PPP1R12A: variants seen among roughly 807,000 people sequenced by gnomAD.
PPP1R12A encodes the protein myosin binding subunit.
In PPP1R12A, 19 loss-of-function variants were observed where a neutral mutation model predicts 139.6. That is an observed-to-expected ratio of 0.14 (90% CI 0.09 to 0.20). The LOEUF (loss-of-function observed/expected upper bound fraction) is 0.20. PPP1R12A is among the 10% of genes least tolerant of loss of function. The probability of loss-of-function intolerance (pLI) is 1.00; values close to 1 mark genes in which losing one functional copy is unlikely to be tolerated. For missense variants in PPP1R12A, 925 were observed against 1,211.5 expected (o/e 0.76, Z 3.51); for synonymous variants, 427 against 420.6 (o/e 1.02, Z -0.19).
chr12:79,832,296 C>G (rs987937336), intron 4 of PPP1R12A, 36 bp downstream of exon 4: 3 of 1,538,578 alleles, frequency 1.9e-6, no homozygotes. Flanking sequence ...AGAAGACAAA[C>G]TAAAATAGAA....
intron 1 of PPP1R12A, among the ~76,000 whole-genome samples, chr12:79,890,886 ACCACCCACCCACACCCAC>A (rs1321929540): frequency 2.6e-5 from 3 of 115,132 alleles, no homozygotes; most frequent in African/African-American, 1.2e-4. Flanking sequence ...ATACACACAC[ACCACCCACCCACACCCAC>A]CCACACACAC....
intron 1 of PPP1R12A, among the ~76,000 whole-genome samples, chr12:79,912,600 G>C (rs1886664061): frequency 6.6e-6 from 1 of 151,932 alleles, no homozygotes; most frequent in African/African-American, 2.4e-5. Context: ...TGGCTGAGGT[G>C]GGAGGATTGC....
rs374875409 is a variant in PPP1R12A, at chr12:79,802,897, T to C, written c.2000+2695A>G. 1.0e-3 allele frequency among the ~76,000 whole-genome samples: 156 copies of C among 152,358 alleles called. 3 individuals are homozygous for C. The highest frequency in any genetic ancestry group is 3.6e-3 in the African/African-American group (149 of 41,594). On this transcript the variant is annotated intron_variant, in intron 14 of 24. Transcript: ENST00000450142. ...TCAAATTTGACTACAGTGAAATGTT[T>C]CATATTTAGTGTATAACAGAGAAAC...
At chr12:79,891,158 AT>A (rs1884608924) in intron 1 of PPP1R12A, among the ~76,000 whole-genome samples, 1 of 152,158 alleles carries the variant, frequency 6.6e-6, no homozygotes, top group Admixed American at 6.6e-5. Flanking sequence ...ATTCAGCTAT[AT>A]TCAGATATGT....
At chr12:79,920,237 G>A (rs1356737091) in intron 1 of PPP1R12A, among the ~76,000 whole-genome samples, 2 of 152,112 alleles carry the variant, frequency 1.3e-5, no homozygotes, top group Non-Finnish European at 2.9e-5. Context: ...CTGATTCCAG[G>A]GACAAAACAT....
chr12:79,816,066 GACA>G (rs760897561), intron 9 of PPP1R12A, among the ~76,000 whole-genome samples: 1 of 151,910 alleles, frequency 6.6e-6, no homozygotes, highest in Non-Finnish European at 1.5e-5. Flanking sequence ...TGGCAAGACT[GACA>G]ACACAACAGA....
At chr12:79,894,100 C>A (rs1163892119) in intron 1 of PPP1R12A, among the ~76,000 whole-genome samples, 1 of 152,192 alleles carries the variant, frequency 6.6e-6, no homozygotes, top group Non-Finnish European at 1.5e-5. Flanking sequence ...GAAGATCTAA[C>A]CCCTCTCTAC....
At chr12:79,792,061 C>G (rs996268990) in intron 19 of PPP1R12A, among the ~76,000 whole-genome samples, 4 of 151,966 alleles carry the variant, frequency 2.6e-5, no homozygotes, top group African/African-American at 9.7e-5. Flanking sequence ...TTGTAAAGTT[C>G]ACATAATGGT....
At position 79,805,654 on chromosome 12, in the gene PPP1R12A, T is replaced by C; in HGVS notation, c.1938A>G (p.Thr646=). The change falls in exon 14 of 25, where the codon ACA becomes ACG. Residue 646 remains threonine, a synonymous_variant. Coordinates refer to ENST00000450142, the MANE Select transcript of PPP1R12A (RefSeq NM_002480.3). ...TGCCAGCAGTAGTTGTAGTCAGGGT[T>C]GTGGTAGAAGCTGCAGCATTTACAA... is the stretch of plus-strand genomic sequence containing the variant. The part of the protein sequence containing the change: ...PTVVNAAAST[T]TLTTTTAGTV... The C allele has an allele frequency of 6.2e-7, 1 of 1,613,850 alleles. No homozygotes were observed. The highest frequency in any genetic ancestry group is 2.2e-5 in the East Asian group (1 of 44,840).
intron 2 of PPP1R12A, among the ~76,000 whole-genome samples, chr12:79,859,368 A>C (rs1451044188): frequency 6.7e-6 from 1 of 150,284 alleles, no homozygotes; most frequent in Non-Finnish European, 1.5e-5. Flanking sequence ...AAAAAAAAAA[A>C]ACAACAGTGC....
At chr12:79,802,003 G>A (rs1486866337) in intron 14 of PPP1R12A, among the ~76,000 whole-genome samples, 1 of 152,002 alleles carries the variant, frequency 6.6e-6, no homozygotes, top group African/African-American at 2.4e-5. Context: ...AATTATTATA[G>A]TGAGTTTCCT....
At chr12:79,863,729 A>G (rs1158064556) in intron 2 of PPP1R12A, among the ~76,000 whole-genome samples, 1 of 152,012 alleles carries the variant, frequency 6.6e-6, no homozygotes. Flanking sequence ...ACAAAGATCA[A>G]AAGAGACAAA....
chr12:79,828,398 A>G lies in PPP1R12A; in HGVS notation c.714T>C (p.Ala238=). Residue 238 remains alanine (A), a synonymous_variant, in exon 5 of 25, where the codon GCT becomes GCC. Transcript: ENST00000450142. Reference sequence around the variant, plus strand: ...CTTCTTCTTTACCCCAATGAGCTGCAGCATGAAGAGGTGTCCAGCCATCAT... The same window carrying G: ...CTTCTTCTTTACCCCAATGAGCTGCGGCATGAAGAGGTGTCCAGCCATCAT... ...KDYDGWTPLH[A]AAHWGKEEAC... 2 of 1,612,346 alleles carry G rather than the reference A, an allele frequency of 1.2e-6. No individual in the cohort carries two copies. Among genetic ancestry groups the G allele is most frequent in the Non-Finnish European group, 1.7e-6 (2 of 1,178,718 alleles).
intron 1 of PPP1R12A, among the ~76,000 whole-genome samples, chr12:79,918,158 TA>T (rs545459727): frequency 0.013 from 1,879 of 143,962 alleles, 24 homozygotes; most frequent in African/African-American, 0.033. Context: ...ACTGAAACCT[TA>T]AAAAAAAAAA....
In PPP1R12A at chr12:79,788,377, A is replaced by G. The variant is rs564339264; in HGVS notation, c.2802+271T>C. On this transcript the variant is annotated intron_variant, in intron 21 of 24. Transcript: ENST00000450142. Reference sequence around the variant, plus strand: ...GTAACAAGAAACAAAGTGTGTATACATTTGTGTGCACCCATTTATTGAACG... The same window carrying G: ...GTAACAAGAAACAAAGTGTGTATACGTTTGTGTGCACCCATTTATTGAACG... The G allele has an allele frequency of 6.1e-4, 178 of 292,586 alleles. 2 individuals are homozygous for G. In the South Asian group the frequency reaches 0.01, roughly 16 times the overall value. The allele number at this position is 292,586 out of a possible 1,614,324, so 18.1% of individuals were successfully genotyped here.
chr12:79,868,211 C>T (rs184024964), intron 2 of PPP1R12A, among the ~76,000 whole-genome samples: 2 of 152,202 alleles, frequency 1.3e-5, no homozygotes, highest in East Asian at 3.9e-4. Context: ...ATAATTTATG[C>T]CACAGATGTA....
chr12:79,891,027 T>C (rs1884593596), intron 1 of PPP1R12A, among the ~76,000 whole-genome samples: 1 of 151,858 alleles, frequency 6.6e-6, no homozygotes, highest in Non-Finnish European at 1.5e-5. Flanking sequence ...AAATTTTTTT[T>C]GTCATGTCAT....
chr12:79,822,050 G>T, intron 6 of PPP1R12A, 66 bp downstream of exon 6: 1 of 1,142,054 alleles, frequency 8.8e-7, no homozygotes, highest in Non-Finnish European at 1.3e-6. Context: ...GAATACTTTT[G>T]TAATTGTCTC....
intron 2 of PPP1R12A, among the ~76,000 whole-genome samples, chr12:79,848,201 T>TC (rs1334135672): frequency 6.6e-6 from 1 of 152,200 alleles, no homozygotes; most frequent in African/African-American, 2.4e-5. Context: ...TTTCCTGTTT[T>TC]CATAGTTTTG....
Sources: allele counts gnomAD v4.1 joint callset (sites outside exome capture counted in the v4.1 genomes callset), GRCh38; gene constraint gnomAD v4.1.1; transcripts MANE v1.5; gene names NCBI Gene and HGNC (gene_info 2026-07-23, HGNC 2026-07-21).